The following TEX36 variants were observed in gnomAD, a reference collection of about 807,000 sequenced individuals.
TEX36 encodes the protein testis expressed 36, also known as testis-expressed protein 36.
TEX36 carries 12 observed loss-of-function variants against 13.6 expected under a neutral mutation model. The ratio of observed to expected loss-of-function variants is 0.88; its 90% CI spans 0.56 to 1.43. The LOEUF (loss-of-function observed/expected upper bound fraction) is 1.43, where lower values mean the gene tolerates loss of function less well. Among genes scored for constraint, TEX36 ranks in the 40% most tolerant of loss-of-function variants. The pLI, the probability that TEX36 is intolerant of heterozygous loss-of-function variation, is 0.00. For missense variants in TEX36, 224 were observed against 228.3 expected, an observed-to-expected ratio of 0.98 and a Z score of 0.12; for synonymous variants, 93 against 83.0, an observed-to-expected ratio of 1.12 and a Z score of -0.65.
chr10:125,583,899 G>A (rs960275910), intron 3 of TEX36, among the ~76,000 whole-genome samples: 3 of 152,130 alleles, frequency 2.0e-5, no homozygotes, highest in Non-Finnish European at 4.4e-5. Flanking sequence ...TGACTTTACC[G>A]CTTCTCCCAC....
intron 1 of TEX36, among the ~76,000 whole-genome samples, chr10:125,666,055 T>C (rs1340115053): frequency 6.6e-6 from 1 of 152,338 alleles, no homozygotes; most frequent in East Asian, 1.9e-4. Flanking sequence ...ATCCTGCAAC[T>C]TTACTGAATA....
At chr10:125,625,702 T>C (rs1846478639) in intron 3 of TEX36, among the ~76,000 whole-genome samples, 1 of 152,222 alleles carries the variant, frequency 6.6e-6, no homozygotes, top group African/African-American at 2.4e-5. Flanking sequence ...ATGCAACCTC[T>C]CACAGAGAGC....
At chr10:125,624,695 C>T (rs1463817283) in intron 3 of TEX36, among the ~76,000 whole-genome samples, 2 of 149,316 alleles carry the variant, frequency 1.3e-5, no homozygotes, top group East Asian at 3.9e-4. Flanking sequence ...AAAAAAAAGG[C>T]CTGAAAGCAG....
At chr10:125,601,120 T>C (rs1309668487) in intron 3 of TEX36, among the ~76,000 whole-genome samples, 1 of 152,272 alleles carries the variant, frequency 6.6e-6, no homozygotes, top group Non-Finnish European at 1.5e-5. Context: ...AATCTAAGCA[T>C]ACTTTATCTA....
intron 3 of TEX36, among the ~76,000 whole-genome samples, chr10:125,659,502 A>G (rs1312711187): frequency 6.6e-6 from 1 of 152,228 alleles, no homozygotes; most frequent in Non-Finnish European, 1.5e-5. Context: ...TCAGTTTTTT[A>G]AAGGACATAT....
intron 1 of TEX36, among the ~76,000 whole-genome samples, chr10:125,672,656 CA>C (rs539921604): frequency 8.1e-4 from 123 of 152,288 alleles, no homozygotes; most frequent in African/African-American, 2.9e-3. Flanking sequence ...CCCCTTGATC[CA>C]GAGCTGAGTT....
chr10:125,649,950 T>C (rs1425685920), intron 3 of TEX36, among the ~76,000 whole-genome samples: 3 of 152,144 alleles, frequency 2.0e-5, no homozygotes, highest in Admixed American at 6.5e-5. Flanking sequence ...GAGCTAACTA[T>C]CCTAAATATA....
At chr10:125,654,787 G>A (rs1332670641), downstream of TEX36, among the ~76,000 whole-genome samples, 4 of 152,120 alleles carry the variant, frequency 2.6e-5, no homozygotes, top group Non-Finnish European at 4.4e-5. Flanking sequence ...TGTGAGAGGG[G>A]ATAAAACAGA....
At position 125,622,632 on chromosome 10, in the gene TEX36, G is replaced by A. The variant is rs191637798; in HGVS notation, c.265-987C>T. Among the ~76,000 whole-genome samples the A allele has an allele frequency of 2.7e-3, 409 of 152,308 alleles. 1 individual carries two copies. Among genetic ancestry groups the A allele is most frequent in the Non-Finnish European group, 4.0e-3 (273 of 68,026 alleles). ...TTGGCCTTAGCTTCCAAGATCAGAC[G>A]AGATGGGATGGATTCAGTGTGGTAT... On this transcript the variant is annotated intron_variant, in intron 3 of 3. Coordinates refer to the TEX36 transcript ENST00000526819.
intron 1 of TEX36, among the ~76,000 whole-genome samples, chr10:125,663,063 G>C (rs536762226): frequency 3.3e-5 from 5 of 152,276 alleles, no homozygotes; most frequent in Admixed American, 3.3e-4. Flanking sequence ...TGGGTCAGAG[G>C]CTGGACATTC....
intron 3 of TEX36, among the ~76,000 whole-genome samples, chr10:125,631,029 G>A (rs1230361614): frequency 1.3e-5 from 2 of 151,792 alleles, no homozygotes; most frequent in African/African-American, 4.9e-5. Context: ...TTTTAAGAAA[G>A]TCCCATCAAG....
chr10:125,641,782 G>T (rs1245953480), intron 3 of TEX36, among the ~76,000 whole-genome samples: 1 of 152,184 alleles, frequency 6.6e-6, no homozygotes, highest in Admixed American at 6.5e-5. Flanking sequence ...TTTGTAAAGT[G>T]GGTTGTTGTA....
At chr10:125,625,556 A>G (rs1846476595) in intron 3 of TEX36, among the ~76,000 whole-genome samples, 1 of 152,258 alleles carries the variant, frequency 6.6e-6, no homozygotes, top group Non-Finnish European at 1.5e-5. Flanking sequence ...CTCTTTCAAA[A>G]GGAGAAATAA....
chr10:125,678,598 T>C (rs1847345845), intron 1 of TEX36, among the ~76,000 whole-genome samples: 1 of 152,028 alleles, frequency 6.6e-6, no homozygotes, highest in African/African-American at 2.4e-5. Flanking sequence ...GCATGGGTGA[T>C]GGCAGTAGCA....
chr10:125,677,870 T>C (rs889481812), intron 1 of TEX36, among the ~76,000 whole-genome samples: 2 of 152,092 alleles, frequency 1.3e-5, no homozygotes, highest in African/African-American at 4.8e-5. Context: ...TTAGTAGAGA[T>C]GGGGTTTCAC....
At chr10:125,657,837 C>A (rs1362461438) in intron 3 of TEX36, among the ~76,000 whole-genome samples, 1 of 152,098 alleles carries the variant, frequency 6.6e-6, no homozygotes, top group Non-Finnish European at 1.5e-5. Flanking sequence ...TGCTGGAAGA[C>A]TTACCTTATT....
chr10:125,643,180 G>A (rs1458830156), intron 3 of TEX36, among the ~76,000 whole-genome samples: 1 of 152,192 alleles, frequency 6.6e-6, no homozygotes. Flanking sequence ...GGCCAGGAGG[G>A]CAGGGCAGTG....
chr10:125,578,889 C>T (rs1845855231), intron 3 of TEX36, among the ~76,000 whole-genome samples: 1 of 152,192 alleles, frequency 6.6e-6, no homozygotes, highest in Non-Finnish European at 1.5e-5. Flanking sequence ...CTGATGGACT[C>T]CCTTTCCGAC....
At chr10:125,643,928 A>G (rs1846727609) in intron 3 of TEX36, among the ~76,000 whole-genome samples, 1 of 152,120 alleles carries the variant, frequency 6.6e-6, no homozygotes, top group Non-Finnish European at 1.5e-5. Flanking sequence ...AACAAAGCAA[A>G]ACAAAACAAA....
Sources: gnomAD v4.1 joint callset for allele counts (sites outside exome capture counted in the v4.1 genomes callset) on GRCh38, gnomAD v4.1.1 for gene constraint, MANE v1.5 for transcripts, NCBI Gene and HGNC (gene_info 2026-07-23, HGNC 2026-07-21) for gene names.